ARHGEF12: variants seen among roughly 807,000 people sequenced by gnomAD.
ARHGEF12 encodes the protein KMT2A/ARHGEF12 fusion protein.
ARHGEF12 carries 66 observed loss-of-function variants against 211.2 expected under a neutral mutation model. That is an observed-to-expected ratio of 0.31 (90% CI 0.26 to 0.38). The LOEUF is 0.38. Among genes scored for constraint, ARHGEF12 ranks in the 10% least tolerant of loss-of-function variants. The probability of loss-of-function intolerance (pLI) is 1.00; values close to 1 mark genes in which losing one functional copy is unlikely to be tolerated. For missense variants in ARHGEF12, 1,429 were observed against 1,869.5 expected, an observed-to-expected ratio of 0.76 and a Z score of 4.34; for synonymous variants, 592 against 638.4, an observed-to-expected ratio of 0.93 and a Z score of 1.09.
intron 37 of ARHGEF12, among the ~76,000 whole-genome samples, chr11:120,478,780 G>A (rs1041636723): frequency 4.6e-5 from 7 of 152,200 alleles, no homozygotes; most frequent in Non-Finnish European, 1.0e-4. Context: ...ATGGAATGGT[G>A]TACTTACTAA....
chr11:120,367,396 C>G (rs185693095), intron 1 of ARHGEF12, among the ~76,000 whole-genome samples: 349 of 82,510 alleles, frequency 4.2e-3, no homozygotes, highest in East Asian at 0.029. Flanking sequence ...GGTGGAGTCT[C>G]GCTCTGTCGC....
At chr11:120,437,488 G>A in intron 12 of ARHGEF12, 106 bp downstream of exon 12, 3 of 745,718 alleles carry the variant, frequency 4.0e-6, no homozygotes, top group Non-Finnish European at 5.7e-6. Context: ...TTTATTTTTT[G>A]GAAAAAAAAT....
At chr11:120,481,786 G>C (rs1345827854) in intron 39 of ARHGEF12, among the ~76,000 whole-genome samples, 1 of 146,396 alleles carries the variant, frequency 6.8e-6, no homozygotes, top group Non-Finnish European at 1.5e-5. Context: ...TTGAGACGGA[G>C]TCTCGCTCTG....
intron 1 of ARHGEF12, among the ~76,000 whole-genome samples, chr11:120,346,746 A>G (rs535868028): frequency 6.6e-6 from 1 of 152,320 alleles, no homozygotes; most frequent in Admixed American, 6.5e-5. Flanking sequence ...AGTACAGAGA[A>G]TGGTATGATG....
chr11:120,445,797 C>A (rs1946026379), intron 16 of ARHGEF12, among the ~76,000 whole-genome samples: 1 of 152,120 alleles, frequency 6.6e-6, no homozygotes, highest in African/African-American at 2.4e-5. Context: ...ACTTAGGAGG[C>A]TGAGGCAGGA....
At chr11:120,409,618 C>A in intron 4 of ARHGEF12, 168 bp downstream of exon 4, 1 of 626,992 alleles carries the variant, frequency 1.6e-6, no homozygotes. Context: ...GGGGTTTTAA[C>A]GTGGCTGTGA....
intron 39 of ARHGEF12, among the ~76,000 whole-genome samples, chr11:120,482,588 A>T (rs375005081): frequency 3.3e-5 from 5 of 151,930 alleles, no homozygotes; most frequent in African/African-American, 1.2e-4. Context: ...TACTAAAAAT[A>T]AAAAAAATCA....
Position 120,478,314 on chromosome 11 carries a change from G to A in ARHGEF12, c.3691G>A (p.Asp1231Asn). 6.2e-7 allele frequency: 1 copy of A among 1,614,202 alleles called. No individual in the cohort carries two copies. The highest frequency in any genetic ancestry group is 1.1e-5 in the South Asian group (1 of 91,082). Residue 1231 changes from aspartate to asparagine, a missense_variant, in exon 37 of 41, where the codon GAT becomes AAT. Around this residue, in one of 7 missense-constraint regions of ARHGEF12, gnomAD observed 467 missense variants for 468.4 expected, o/e 1.00. Transcript: ENST00000397843. ...TDGTLKEVGE[D>N]YQIAIPDSHL... is the part of the protein sequence containing the mutation. The stretch of plus-strand genomic sequence containing the variant: ...TGGGACACTAAAGGAAGTTGGAGAA[G>A]ATTATCAAATCGCAATCCCAGATTC...
Position 120,347,270 on chromosome 11 carries a change from CTGTG to C in ARHGEF12, c.32+10029_32+10032del, listed in dbSNP as rs55651421. Among the ~76,000 whole-genome samples the C allele has an allele frequency of 9.4e-3, 747 of 79,830 alleles. 10 individuals are homozygous for C. The highest frequency in any genetic ancestry group is 0.014 in the Non-Finnish European group (503 of 35,126). The allele number at this position is 79,830 out of a possible 152,430, so 52.4% of individuals were successfully genotyped here. A position where few individuals can be genotyped will look rare whatever the true frequency, so the allele number is the denominator to read the frequency against. On this transcript the variant is annotated intron_variant, in intron 1 of 40. Coordinates refer to ENST00000397843, the MANE Select transcript of ARHGEF12 (RefSeq NM_015313.3). ...TTTCTCTCTCTCTCTCTCTCTCTGT[CTGTG>C]TGTGTGTGTGTGTGTGTGTGTGTGT...
intron 20 of ARHGEF12, chr11:120,448,625 CCTAAA>C (rs1183440019): frequency 4.8e-6 from 2 of 416,076 alleles, no homozygotes; most frequent in Non-Finnish European, 8.5e-6. Context: ...TTTTACTTTG[CCTAAA>C]CTAAATACCC....
At chr11:120,337,602 C>G in intron 1 of ARHGEF12, 2 of 985,368 alleles carry the variant, frequency 2.0e-6, no homozygotes, top group Non-Finnish European at 2.4e-6. Context: ...AGGTGAAGGT[C>G]GGTGCCTGAA....
intron 15 of ARHGEF12, 96 bp downstream of exon 15, chr11:120,442,298 T>A (rs1416838286): frequency 5.7e-6 from 5 of 877,662 alleles, no homozygotes; most frequent in Middle Eastern, 4.5e-4. Flanking sequence ...TGGATTTTAC[T>A]GTGCTTTCTC....
intron 29 of ARHGEF12, among the ~76,000 whole-genome samples, chr11:120,468,391 GTCT>G (rs1946767182): frequency 6.6e-6 from 1 of 152,166 alleles, no homozygotes; most frequent in Non-Finnish European, 1.5e-5. Context: ...TCTGATTTTG[GTCT>G]TCTTTGTATT....
intron 26 of ARHGEF12, among the ~76,000 whole-genome samples, chr11:120,459,700 A>G (rs896789706): frequency 6.6e-6 from 1 of 151,882 alleles, no homozygotes; most frequent in Non-Finnish European, 1.5e-5. Flanking sequence ...TGGTTCGGTA[A>G]TTTTTAGGAA....
rs145015798 is a variant in ARHGEF12 at position 120,422,416 on chromosome 11, T to A, written c.348+564T>A. 1.1e-3 allele frequency among the ~76,000 whole-genome samples: 161 copies of A among 152,332 alleles called. 2 individuals are homozygous for A. The highest frequency in any genetic ancestry group is 3.4e-3 in the African/African-American group (141 of 41,586). ...TGAGAATAGCCACAGCACTTCAACC[T>A]GGGCAATATAGTGAGACCCTGTCTT... On this transcript the variant is annotated intron_variant, in intron 6 of 40. Coordinates refer to ENST00000397843, the MANE Select transcript of ARHGEF12 (RefSeq NM_015313.3).
At position 120,419,106 on chromosome 11, in the gene ARHGEF12, C is replaced by G. The variant is rs576187342; in HGVS notation, c.200-1647C>G. Among the ~76,000 whole-genome samples, 22 of 151,902 alleles carry G rather than the reference C, an allele frequency of 1.4e-4. No homozygotes were observed. The South Asian group carries it at 4.6e-3, about 32-fold the overall frequency. On this transcript the variant is annotated intron_variant, in intron 4 of 40. Coordinates refer to ENST00000397843, the MANE Select transcript of ARHGEF12 (RefSeq NM_015313.3). ...TCCCGAGTAGCTGGGACTACAGGCA[C>G]CCGCCACCACGTTCGGCTAATTTTT...
chr11:120,341,348 G>A (rs1035441572), intron 1 of ARHGEF12, among the ~76,000 whole-genome samples: 9 of 152,270 alleles, frequency 5.9e-5, no homozygotes, highest in African/African-American at 1.2e-4. Flanking sequence ...TTGAGCCACC[G>A]AGCCCAGTGG....
chr11:120,484,485 A>T lies in ARHGEF12; in HGVS notation c.4602A>T (p.Ser1534=), dbSNP rs1156726849. ...YTILCQRLAG[S]ALTDKHSDKS ...TTCTTTGCCAAAGGCTGGCTGGATCAGCCCTCACAGACAAGCACTCAGGTA... is the reference window on the plus strand; with the variant it reads ...TTCTTTGCCAAAGGCTGGCTGGATCTGCCCTCACAGACAAGCACTCAGGTA... The change falls in exon 40 of 41, where the codon TCA becomes TCT. Residue 1534 remains serine, a synonymous_variant. Transcript: ENST00000397843. 1 of 1,614,150 alleles carries T rather than the reference A, an allele frequency of 6.2e-7. No individual in the cohort carries two copies. The highest frequency in any genetic ancestry group is 1.3e-5 in the African/African-American group (1 of 75,070).
At chr11:120,380,314 C>G (rs549135939) in intron 1 of ARHGEF12, among the ~76,000 whole-genome samples, 1 of 152,140 alleles carries the variant, frequency 6.6e-6, no homozygotes, top group South Asian at 2.1e-4. Context: ...ACTAAGAAAC[C>G]AACCTTAGTA....
Sources: allele counts gnomAD v4.1 joint callset (sites outside exome capture counted in the v4.1 genomes callset), GRCh38; gene constraint gnomAD v4.1.1; regional missense constraint gnomAD v4.1.1; transcripts MANE v1.5; gene names NCBI Gene and HGNC (gene_info 2026-07-23, HGNC 2026-07-21).